Variants in AMPH observed in about 807,000 individuals in gnomAD.
AMPH encodes the protein amphiphysin.
Under a neutral mutation model 99.1 loss-of-function variants are expected in AMPH, and 49 were observed. That is an observed-to-expected ratio of 0.49 (90% CI 0.39 to 0.63). The LOEUF is 0.63. Among genes scored for constraint, AMPH ranks in the 20% least tolerant of loss-of-function variants. The pLI is 0.00. For synonymous variants in AMPH, 314 were observed against 317.3 expected (o/e 0.99, Z 0.11); for missense variants, 759 against 863.4 (o/e 0.88, Z 1.52).
At chr7:38,417,986 A>T in intron 16 of AMPH, 36 bp from the exon 17 acceptor site, 1 of 1,604,236 alleles carries the variant, frequency 6.2e-7, no homozygotes, top group African/African-American at 1.3e-5. Context: ...GAGGAAAAAG[A>T]TTCAACAGGT....
At position 38,426,944 on chromosome 7, in the gene AMPH, G is replaced by T. The variant is rs746779442; in HGVS notation, c.1215+10C>A. The T allele has an allele frequency of 1.2e-6, 2 of 1,611,858 alleles. No individual in the cohort carries two copies. The highest frequency in any genetic ancestry group is 1.7e-6 in the Non-Finnish European group (2 of 1,178,692). Reference sequence around the variant, plus strand: ...AGCAGATGGATCTTGTAAGAAAACAGATTCCTTACCTGTGTGAATCCATTA... The same window carrying T: ...AGCAGATGGATCTTGTAAGAAAACATATTCCTTACCTGTGTGAATCCATTA... On this transcript the variant is annotated intron_variant, in intron 15 of 20. Coordinates refer to ENST00000356264, the MANE Select transcript of AMPH (RefSeq NM_001635.4).
intron 1 of AMPH, among the ~76,000 whole-genome samples, chr7:38,629,435 A>T (rs1269820479): frequency 1.3e-5 from 2 of 152,198 alleles, no homozygotes; most frequent in Non-Finnish European, 2.9e-5. Context: ...CCGCTCCCAT[A>T]GAAGACTGAC....
intron 5 of AMPH, among the ~76,000 whole-genome samples, chr7:38,485,772 T>C (rs1178330439): frequency 6.6e-6 from 1 of 151,946 alleles, no homozygotes; most frequent in Non-Finnish European, 1.5e-5. Flanking sequence ...TTATACCAGG[T>C]ATCTTTTCCA....
chr7:38,482,825 T>C (rs1055623982), intron 5 of AMPH, among the ~76,000 whole-genome samples: 2 of 152,166 alleles, frequency 1.3e-5, no homozygotes, highest in Middle Eastern at 3.2e-3. Flanking sequence ...GTATTGCTTT[T>C]AAGGAGATTA....
At chr7:38,591,380 T>A (rs1473622815) in intron 1 of AMPH, among the ~76,000 whole-genome samples, 1 of 151,022 alleles carries the variant, frequency 6.6e-6, no homozygotes, top group Non-Finnish European at 1.5e-5. Context: ...CTCTACCTCC[T>A]ATGTTCAAGT....
At chr7:38,501,474 C>T (rs1270338957) in intron 3 of AMPH, among the ~76,000 whole-genome samples, 3 of 152,116 alleles carry the variant, frequency 2.0e-5, no homozygotes, top group Non-Finnish European at 4.4e-5. Context: ...TGGTGTGAGC[C>T]ACTGTGCCTG....
At chr7:38,616,337 A>C (rs2129068560) in intron 1 of AMPH, among the ~76,000 whole-genome samples, 1 of 152,346 alleles carries the variant, frequency 6.6e-6, no homozygotes. Flanking sequence ...AACTCAGCGA[A>C]ATCAAACTTA....
chr7:38,571,193 ATT>A (rs1791982941), intron 1 of AMPH, among the ~76,000 whole-genome samples: 2 of 96,472 alleles, frequency 2.1e-5, no homozygotes, highest in African/African-American at 8.6e-5. Context: ...GAATATATAT[ATT>A]TATATATAAT....
intron 9 of AMPH, among the ~76,000 whole-genome samples, chr7:38,464,768 G>C (rs1056616183): frequency 1.3e-5 from 2 of 152,126 alleles, no homozygotes; most frequent in Non-Finnish European, 2.9e-5. Flanking sequence ...CGAAAGCTGG[G>C]TCTTCTGACT....
rs1483316777 is a variant in AMPH, at chr7:38,610,323, AAAGAAAAGAAAAAAG to A, written c.69+20945_69+20959del. Among the ~76,000 whole-genome samples, 31 of 41,940 alleles carry A rather than the reference AAAGAAAAGAAAAAAG, an allele frequency of 7.4e-4. 1 individual carries two copies. The highest frequency in any genetic ancestry group is 8.9e-3 in the Middle Eastern group (1 of 112). The allele number at this position is 41,940 out of a possible 152,430, so 27.5% of individuals were successfully genotyped here. On this transcript the variant is annotated intron_variant, in intron 1 of 20. Coordinates refer to ENST00000356264, the MANE Select transcript of AMPH (RefSeq NM_001635.4). ...AAAGAAAAGAAAAGAAAAGAAAAGA[AAAGAAAAGAAAAAAG>A]AAAAGAAAAGAAAAGAAAAGAAAAG...
At chr7:38,432,325 T>C in intron 12 of AMPH, 113 bp from the exon 13 acceptor site, 1 of 921,192 alleles carries the variant, frequency 1.1e-6, no homozygotes, top group South Asian at 1.5e-5. Context: ...TTTTGTACAG[T>C]ACTGTTCAAT....
chr7:38,447,778 ACC>A (rs1491464095), intron 11 of AMPH, among the ~76,000 whole-genome samples: 1 of 148,290 alleles, frequency 6.7e-6, no homozygotes, highest in Non-Finnish European at 1.5e-5. Context: ...ACACACACAC[ACC>A]CATACACAAA....
At chr7:38,600,904 C>T (rs914703585) in intron 1 of AMPH, among the ~76,000 whole-genome samples, 2 of 152,206 alleles carry the variant, frequency 1.3e-5, no homozygotes, top group Admixed American at 1.3e-4. Context: ...ACAAACATTA[C>T]CCATGCTGGC....
At chr7:38,466,083 T>A (rs1191403280) in intron 8 of AMPH, 90 bp downstream of exon 8, 1 of 1,037,356 alleles carries the variant, frequency 9.6e-7, no homozygotes, top group Non-Finnish European at 1.4e-6. Flanking sequence ...GGGTGAATTC[T>A]TTGGATAATT....
chr7:38,544,579 C>A (rs1454573833), intron 1 of AMPH, among the ~76,000 whole-genome samples: 1 of 152,160 alleles, frequency 6.6e-6, no homozygotes, highest in Non-Finnish European at 1.5e-5. Flanking sequence ...TGAAGAACCA[C>A]TGAATTTTAA....
intron 1 of AMPH, among the ~76,000 whole-genome samples, chr7:38,607,966 C>T (rs1283388635): frequency 7.2e-5 from 11 of 152,116 alleles, no homozygotes; most frequent in Non-Finnish European, 1.2e-4. Context: ...CTTAATTTGT[C>T]ACATTGATTT....
chr7:38,468,322 T>A (rs2129011245), intron 7 of AMPH, among the ~76,000 whole-genome samples: 1 of 152,354 alleles, frequency 6.6e-6, no homozygotes, highest in Admixed American at 6.5e-5. Flanking sequence ...CCTATTCAAA[T>A]TTTTTTATTT....
At chr7:38,467,599 G>A (rs1787707566) in intron 7 of AMPH, among the ~76,000 whole-genome samples, 1 of 151,594 alleles carries the variant, frequency 6.6e-6, no homozygotes, top group East Asian at 1.9e-4. Flanking sequence ...AGTTAGAGAA[G>A]CATCCAGAGG....
rs371123604 is a variant in AMPH, at chr7:38,565,902, T to C, written c.70-30891A>G. 2.5e-4 allele frequency among the ~76,000 whole-genome samples: 38 copies of C among 152,318 alleles called. 1 individual carries two copies. In the Middle Eastern group the frequency reaches 0.027, roughly 109 times the overall value. ...TTCCATTTAAAAGAGAAAATGCTAC[T>C]AGGCTAAAAACACTGAAATAATAGT... On this transcript the variant is annotated intron_variant, in intron 1 of 20. Transcript: ENST00000356264.
Sources: gnomAD v4.1 joint callset for allele counts (sites outside exome capture counted in the v4.1 genomes callset) on GRCh38, gnomAD v4.1.1 for gene constraint, MANE v1.5 for transcripts, NCBI Gene and HGNC (gene_info 2026-07-23, HGNC 2026-07-21) for gene names.